Variants in CNIH3 observed in about 807,000 individuals in gnomAD.
CNIH3 encodes protein cornichon homolog 3.
CNIH3 carries 14 observed loss-of-function variants against 24.1 expected under a neutral mutation model. The observed-to-expected ratio is 0.58, with a 90% CI of 0.38 to 0.91. The LOEUF (loss-of-function observed/expected upper bound fraction) is 0.91, where lower values mean the gene tolerates loss of function less well. CNIH3 is among the 40% of genes least tolerant of loss of function. CNIH3 has a pLI of 0.00. For synonymous variants in CNIH3, 68 were observed against 73.8 expected (o/e 0.92, Z 0.40); for missense variants, 178 against 196.8 (o/e 0.90, Z 0.57).
chr1:224,734,771 C>T, intron 5 of CNIH3, 65 bp downstream of exon 5: 4 of 1,576,738 alleles, frequency 2.5e-6, no homozygotes, highest in Non-Finnish European at 3.5e-6. Flanking sequence ...TTCAGGCTGG[C>T]CTCTGGGAGG....
chr1:224,459,534 C>T (rs1675817983), intron 1 of CNIH3, among the ~76,000 whole-genome samples: 1 of 152,104 alleles, frequency 6.6e-6, no homozygotes, highest in South Asian at 2.1e-4. Flanking sequence ...TCTGTTAGAA[C>T]TTTGTACACG....
upstream of CNIH3, among the ~76,000 whole-genome samples, chr1:224,615,030 G>A (rs369580432): frequency 7.2e-4 from 110 of 152,262 alleles, no homozygotes; most frequent in South Asian, 9.5e-3. Context: ...AGTAGAAAGA[G>A]CCCAGGATTA....
At position 224,671,708 on chromosome 1, in the gene CNIH3, A is replaced by G. The variant is rs1685875890; in HGVS notation, c.82-9250A>G. ...TGTGAAAACACTTTGGAAAGCTTCA[A>G]CTACTCCATGACATCTGGCATTACA... On this transcript the variant is annotated intron_variant, in intron 1 of 5. Transcript: ENST00000272133. 2.0e-5 allele frequency among the ~76,000 whole-genome samples: 3 copies of G among 152,254 alleles called. No homozygotes were observed. In the South Asian group the frequency reaches 6.2e-4, roughly 31 times the overall value.
At chr1:224,692,247 G>T (rs937528696) in intron 3 of CNIH3, among the ~76,000 whole-genome samples, 1 of 152,164 alleles carries the variant, frequency 6.6e-6, no homozygotes, top group Non-Finnish European at 1.5e-5. Flanking sequence ...TTCAGGCTGC[G>T]GTGAGCCAAG....
intron 3 of CNIH3, among the ~76,000 whole-genome samples, chr1:224,705,850 C>CTTTTTTTTTTTTTTTT (rs61128987): frequency 4.4e-5 from 4 of 90,208 alleles, no homozygotes; most frequent in Non-Finnish European, 4.8e-5. Flanking sequence ...TCTTTCTTTT[C>CTTTTTTTTTTTTTTTT]TTTTTTTTCT....
Position 224,621,476 on chromosome 1 carries a change from C to G in CNIH3, c.81+4221C>G, listed in dbSNP as rs147857296. 3.2e-3 allele frequency among the ~76,000 whole-genome samples: 493 copies of G among 152,318 alleles called. 1 individual carries two copies. Among genetic ancestry groups the G allele is most frequent in the Non-Finnish European group, 5.9e-3 (400 of 68,032 alleles). ...GCCTTGGCCTACTCAGATGAGGGTA[C>G]TGCACTCACTGCCAGGTCTTACTTG... On this transcript the variant is annotated intron_variant, in intron 1 of 5. Transcript: ENST00000272133.
intron 5 of CNIH3, among the ~76,000 whole-genome samples, chr1:224,735,923 C>G (rs1490454762): frequency 6.6e-6 from 1 of 152,068 alleles, no homozygotes; most frequent in Admixed American, 6.5e-5. Context: ...GCCTCAGCCT[C>G]CCAAAGTTCT....
intron 3 of CNIH3, among the ~76,000 whole-genome samples, chr1:224,686,974 A>G (rs1180130660): frequency 6.6e-6 from 1 of 152,218 alleles, no homozygotes; most frequent in African/African-American, 2.4e-5. Flanking sequence ...TCATTTGTAC[A>G]TGCTCCTTTT....
At chr1:224,506,266 C>G (rs553196096) in intron 1 of CNIH3, among the ~76,000 whole-genome samples, 1 of 65,548 alleles carries the variant, frequency 1.5e-5, no homozygotes, top group Non-Finnish European at 3.1e-5. Flanking sequence ...CATATGCACG[C>G]ACACGCGCGC....
At chr1:224,474,784 T>G (rs1362804276) in intron 1 of CNIH3, among the ~76,000 whole-genome samples, 1 of 151,902 alleles carries the variant, frequency 6.6e-6, no homozygotes, top group East Asian at 1.9e-4. Flanking sequence ...TCCCAGCACT[T>G]TGGGAGGCCA....
At chr1:224,662,757 TAAAC>T (rs1481347043) in intron 1 of CNIH3, among the ~76,000 whole-genome samples, 11 of 152,158 alleles carry the variant, frequency 7.2e-5, no homozygotes, top group Non-Finnish European at 5.9e-5. Context: ...TGTACACATA[TAAAC>T]AAAGACCCAA....
chr1:224,459,236 A>G, intron 1 of CNIH3: 1 of 980,862 alleles, frequency 1.0e-6, no homozygotes. Flanking sequence ...TTGAGGATGG[A>G]TGTCACATGC....
chr1:224,629,717 A>T (rs1380971194), intron 1 of CNIH3, among the ~76,000 whole-genome samples: 1 of 151,938 alleles, frequency 6.6e-6, no homozygotes, highest in African/African-American at 2.4e-5. Flanking sequence ...GGCTCCTGTG[A>T]TATTACAGGC....
chr1:224,594,810 A>G (rs1308600796), intron 3 of CNIH3, among the ~76,000 whole-genome samples: 1 of 152,232 alleles, frequency 6.6e-6, no homozygotes, highest in African/African-American at 2.4e-5. Flanking sequence ...AGATGTGACT[A>G]GATAGGCCAG....
intron 1 of CNIH3, among the ~76,000 whole-genome samples, chr1:224,494,630 T>G (rs776770651): frequency 6.6e-6 from 1 of 152,178 alleles, no homozygotes; most frequent in African/African-American, 2.4e-5. Context: ...GTTTAACTTC[T>G]ATGGTTCTTT....
At chr1:224,526,820 T>C (rs1678865734) in intron 2 of CNIH3, among the ~76,000 whole-genome samples, 1 of 152,148 alleles carries the variant, frequency 6.6e-6, no homozygotes, top group African/African-American at 2.4e-5. Flanking sequence ...GGGAGGCCTC[T>C]AGAAGCTTCC....
At chr1:224,490,799 A>C (rs562012653) in intron 1 of CNIH3, among the ~76,000 whole-genome samples, 4 of 152,360 alleles carry the variant, frequency 2.6e-5, no homozygotes, top group Admixed American at 2.0e-4. Context: ...ATGATTTGCG[A>C]ATCGGGCAGC....
At chr1:224,570,307 A>G (rs918492100) in intron 4 of CNIH3, among the ~76,000 whole-genome samples, 1 of 151,930 alleles carries the variant, frequency 6.6e-6, no homozygotes, top group Non-Finnish European at 1.5e-5. Flanking sequence ...TTAGTTTTTC[A>G]ATCCTTCCCT....
At chr1:224,544,302 A>T (rs1000153186) in intron 2 of CNIH3, among the ~76,000 whole-genome samples, 1 of 152,178 alleles carries the variant, frequency 6.6e-6, no homozygotes, top group Admixed American at 6.5e-5. Flanking sequence ...ACTTCATCTC[A>T]AGCAGTCAGC....
Sources: gnomAD v4.1 joint callset for allele counts (sites outside exome capture counted in the v4.1 genomes callset) on GRCh38, gnomAD v4.1.1 for gene constraint, MANE v1.5 for transcripts, NCBI Gene and HGNC (gene_info 2026-07-23, HGNC 2026-07-21) for gene names.